The following UBASH3A variants were observed in gnomAD, a reference collection of about 807,000 sequenced individuals.
UBASH3A encodes the protein ubiquitin associated and SH3 domain containing A.
UBASH3A carries 63 observed loss-of-function variants against 73.5 expected under a neutral mutation model. The ratio of observed to expected loss-of-function variants is 0.86; its 90% CI spans 0.70 to 1.06. UBASH3A has a LOEUF of 1.06. Ranked by LOEUF, UBASH3A falls within the 50% of genes least tolerant of loss-of-function variation. The pLI, the probability that UBASH3A is intolerant of heterozygous loss-of-function variation, is 0.00. For synonymous variants in UBASH3A, 363 were observed against 351.1 expected, an observed-to-expected ratio of 1.03 and a Z score of -0.38; for missense variants, 860 against 859.0, an observed-to-expected ratio of 1.00 and a Z score of -0.02.
intron 6 of UBASH3A, chr21:42,417,599 AC>A (rs1307884561): frequency 6.6e-6 from 1 of 152,046 alleles, no homozygotes; most frequent in African/African-American, 2.4e-5. Context: ...AGCACAATTC[AC>A]TTTAAAGAAT....
At chr21:42,438,623 G>A (rs916451445) in intron 11 of UBASH3A, among the ~76,000 whole-genome samples, 6 of 152,164 alleles carry the variant, frequency 3.9e-5, no homozygotes, top group African/African-American at 1.4e-4. Context: ...AGGAAGACTT[G>A]AGGGCATAGT....
chr21:42,434,984 G>A, intron 10 of UBASH3A, 30 bp downstream of exon 10: 1 of 1,611,840 alleles, frequency 6.2e-7, no homozygotes, highest in Non-Finnish European at 8.5e-7. Flanking sequence ...AGTAGGAAAG[G>A]TAACAATAAC....
chr21:42,430,711 C>T (rs1568929697), intron 8 of UBASH3A, among the ~76,000 whole-genome samples: 1 of 152,210 alleles, frequency 6.6e-6, no homozygotes, highest in South Asian at 2.1e-4. Context: ...CCATGTTCAT[C>T]CCTTGGCCCA....
At position 42,409,519 on chromosome 21, in the gene UBASH3A, C is replaced by T; in HGVS notation, c.265C>T (p.Gln89Ter). The change falls in exon 3 of 15, where the codon CAA (glutamine) becomes TAA (stop). Residue 89 changes from glutamine (Q) to a stop codon, truncating the protein, a stop_gained. Transcript: ENST00000319294. LOFTEE classifies it high-confidence loss of function. The part of the protein sequence containing the change: ...CPTGPLLEKL[Q>*]EFWRESKRQC... ...AACGGGGCCCCTGCTGGAAAAACTT[C>T]AAGAGTTCTGGAGAGAGAGCAAGCG... 1 of 1,614,130 alleles carries T rather than the reference C, an allele frequency of 6.2e-7. No individual in the cohort carries two copies. Among genetic ancestry groups the T allele is most frequent in the Non-Finnish European group, 8.5e-7 (1 of 1,180,026 alleles).
rs559775510 is a variant in UBASH3A at position 42,425,693 on chromosome 21, C to T, written c.1047-1004C>T. On this transcript the variant is annotated intron_variant, in intron 7 of 14. Coordinates refer to ENST00000319294, the MANE Select transcript of UBASH3A (RefSeq NM_018961.4). ...AATAGTGTGAGAAGATCATGTGTAA[C>T]GCAGATGCTGAGATGCAGAAGAAAA... is the stretch of plus-strand genomic sequence containing the variant. Among the ~76,000 whole-genome samples the T allele has an allele frequency of 1.5e-4, 23 of 151,264 alleles. No individual in the cohort carries two copies. The East Asian group carries it at 2.2e-3, about 14-fold the overall frequency.
chr21:42,417,565 T>C (rs1254137427), intron 6 of UBASH3A: 1 of 152,228 alleles, frequency 6.6e-6, no homozygotes, highest in Non-Finnish European at 1.5e-5. Context: ...CATTCCAATT[T>C]TAGTTATATG....
At chr21:42,440,260 C>T (rs1046750030) in intron 11 of UBASH3A, among the ~76,000 whole-genome samples, 3 of 152,116 alleles carry the variant, frequency 2.0e-5, no homozygotes, top group Non-Finnish European at 4.4e-5. Context: ...TTGGGAGGGA[C>T]GAGGGTGGCA....
intron 1 of UBASH3A, among the ~76,000 whole-genome samples, chr21:42,405,963 G>C (rs1568904638): frequency 7.2e-6 from 1 of 138,964 alleles, no homozygotes; most frequent in Non-Finnish European, 1.5e-5. Context: ...CCGCAGGGTG[G>C]GTCCATTTGA....
chr21:42,434,652 T>A (rs1013683154), intron 9 of UBASH3A, among the ~76,000 whole-genome samples, 180 bp from the exon 10 acceptor site: 1 of 152,224 alleles, frequency 6.6e-6, no homozygotes, highest in Non-Finnish European at 1.5e-5. Flanking sequence ...TGTGCACAGC[T>A]GAGCAGCACT....
rs1251710886 is a variant in UBASH3A, at chr21:42,447,434, G to A, written c.*240G>A. ...AGCACAGGGCAGGTGGCTGGGTGAG[G>A]ATGCCGCCCTGCAGCATGTACACCG... On this transcript the variant is annotated 3_prime_UTR_variant, in exon 15 of 15. Coordinates refer to ENST00000319294, the MANE Select transcript of UBASH3A (RefSeq NM_018961.4). 2 of 452,912 alleles carry A rather than the reference G, an allele frequency of 4.4e-6. No homozygotes were observed. Among genetic ancestry groups the A allele is most frequent in the Non-Finnish European group, 7.8e-6 (2 of 256,064 alleles). The allele number at this position is 452,912 out of a possible 1,614,324, so 28.1% of individuals were successfully genotyped here.
At chr21:42,417,397 C>A (rs2053233350) in intron 6 of UBASH3A, 1 of 128,756 alleles carries the variant, frequency 7.8e-6, no homozygotes, top group Non-Finnish European at 1.6e-5. Flanking sequence ...GCACTCCAGC[C>A]TGGGCAACAG....
chr21:42,423,500 CCTAA>C (rs1167345713), intron 7 of UBASH3A, among the ~76,000 whole-genome samples: 2 of 152,148 alleles, frequency 1.3e-5, no homozygotes, highest in East Asian at 3.9e-4. Context: ...CTGGCTATGC[CCTAA>C]CTAACCATCT....
chr21:42,433,944 G>A (rs1312759200), intron 9 of UBASH3A, among the ~76,000 whole-genome samples: 1 of 152,180 alleles, frequency 6.6e-6, no homozygotes, highest in African/African-American at 2.4e-5. Flanking sequence ...AGGAAGGTCA[G>A]TGTGGCTGCT....
At position 42,428,802 on chromosome 21, in the gene UBASH3A, G is replaced by T. The variant is rs182211967; in HGVS notation, c.1170+1982G>T. Among the ~76,000 whole-genome samples, 301 of 152,152 alleles carry T rather than the reference G, an allele frequency of 2.0e-3. 2 individuals are homozygous for T. The highest frequency in any genetic ancestry group is 6.8e-3 in the African/African-American group (282 of 41,486). On this transcript the variant is annotated intron_variant, in intron 8 of 14. Transcript: ENST00000319294. ...ATGGCTGAAAACAGAACATGCATCT[G>T]CCTGTGAACTGGCCCCCCTCACACG... is the stretch of plus-strand genomic sequence containing the variant.
chr21:42,437,512 T>C lies in UBASH3A; in HGVS notation c.1418T>C (p.Ile473Thr). 2 of 1,614,248 alleles carry C rather than the reference T, an allele frequency of 1.2e-6. No homozygotes were observed. Among genetic ancestry groups the C allele is most frequent in the Non-Finnish European group, 1.7e-6 (2 of 1,180,040 alleles). The change falls in exon 11 of 15, where the codon ATC (isoleucine) becomes ACC (threonine). Residue 473 changes from isoleucine to threonine, a missense_variant. By Grantham distance (89) the Ile-to-Thr change is moderately conservative (BLOSUM62 -1). Transcript: ENST00000319294. The part of the protein sequence containing the change: ...IAGDALLDSG[I>T]RISSVFASPA... ...GGGGACGCGCTACTGGACAGTGGTATCAGAATCAGCTCTGTGTTTGCCTCC... is the reference window on the plus strand; with the variant it reads ...GGGGACGCGCTACTGGACAGTGGTACCAGAATCAGCTCTGTGTTTGCCTCC...
intron 9 of UBASH3A, among the ~76,000 whole-genome samples, chr21:42,433,837 C>T (rs985489707): frequency 6.6e-6 from 1 of 152,152 alleles, no homozygotes; most frequent in African/African-American, 2.4e-5. Context: ...TGCCCCCTGA[C>T]TCTGGGTTTG....
intron 3 of UBASH3A, chr21:42,410,444 T>C: frequency 2.0e-6 from 1 of 497,720 alleles, no homozygotes; most frequent in Non-Finnish European, 3.5e-6. Flanking sequence ...CGGTGCTGGA[T>C]GGAAAGGAGG....
intron 9 of UBASH3A, 134 bp downstream of exon 9, chr21:42,432,336 T>A (rs888622386): frequency 3.1e-4 from 179 of 573,040 alleles, no homozygotes; most frequent in Non-Finnish European, 6.1e-5. Flanking sequence ...GTAGACTGTA[T>A]GTGTGGAAAA....
intron 5 of UBASH3A, among the ~76,000 whole-genome samples, chr21:42,415,528 G>C (rs565294816): frequency 8.7e-4 from 133 of 152,308 alleles, no homozygotes; most frequent in African/African-American, 3.1e-3. Context: ...CTTTTTTAGG[G>C]GGTGAGCAGA....
Sources: allele counts gnomAD v4.1 joint callset (sites outside exome capture counted in the v4.1 genomes callset), GRCh38; gene constraint gnomAD v4.1.1; transcripts MANE v1.5; gene names NCBI Gene and HGNC (gene_info 2026-07-23, HGNC 2026-07-21).